The following CHFR variants were observed in gnomAD, a reference collection of about 807,000 sequenced individuals.
CHFR encodes the protein E3 ubiquitin-protein ligase CHFR.
CHFR carries 57 observed loss-of-function variants against 87.6 expected under a neutral mutation model. The ratio of observed to expected loss-of-function variants is 0.65; its 90% confidence interval spans 0.53 to 0.81. The LOEUF (loss-of-function observed/expected upper bound fraction) is 0.81. Ranked by LOEUF, CHFR falls within the 30% of genes least tolerant of loss-of-function variation. The probability of loss-of-function intolerance (pLI) is 0.00; values close to 1 mark genes in which losing one functional copy is unlikely to be tolerated. For synonymous variants in CHFR, 381 were observed against 359.2 expected (o/e 1.06, Z -0.69); for missense variants, 797 against 865.8 (o/e 0.92, Z 1.00).
chr12:132,860,650 T>A (rs1388096104), intron 7 of CHFR, among the ~76,000 whole-genome samples: 1 of 152,220 alleles, frequency 6.6e-6, no homozygotes, highest in Admixed American at 6.5e-5. Context: ...TAATCTTAAC[T>A]TTGGCTTTCA....
chr12:132,869,760 G>A lies in CHFR; in HGVS notation c.442C>T (p.Arg148Trp), dbSNP rs746187833. 6.5e-5 allele frequency: 101 copies of A among 1,551,284 alleles called. No homozygotes were observed. Among genetic ancestry groups the A allele is most frequent in the Non-Finnish European group, 7.6e-5 (87 of 1,146,960 alleles). The change falls in exon 6 of 18, where the codon CGG (arginine) becomes TGG (tryptophan). Residue 148 changes from arginine (R) to tryptophan (W), a missense_variant. This residue lies in a region of CHFR where 597 missense variants were observed against 601.2 expected (regional missense o/e 0.99). Coordinates refer to ENST00000450056, the MANE Select transcript of CHFR (RefSeq NM_001161346.2). Reference sequence around the variant, plus strand: ...GTGGCGGGCGACGACGGAGGGACCCGGGGATCGGCCCCTCGCCCTGCACCT... The same window carrying A: ...GTGGCGGGCGACGACGGAGGGACCCAGGGATCGGCCCCTCGCCCTGCACCT... ...GAGAGRGADPRVPPSSPATQV... is the reference protein window; with the variant it reads ...GAGAGRGADPWVPPSSPATQV...
chr12:132,837,840 C>CGTGGA lies in CHFR; in HGVS notation c.*3709_*3713dup, dbSNP rs1011644087. Reference sequence around the variant, plus strand: ...AGCGTGCATGCCAAAACGGAGCCCACGTGGAGGCAGAGGGCGGGCACGGCC... The same window carrying CGTGGA: ...AGCGTGCATGCCAAAACGGAGCCCACGTGGAGTGGAGGCAGAGGGCGGGCACGGCC... On this transcript the variant is annotated 3_prime_UTR_variant, in exon 18 of 18. Coordinates refer to ENST00000450056, the MANE Select transcript of CHFR (RefSeq NM_001161346.2). The CGTGGA allele has an allele frequency of 2.0e-5, 3 of 152,310 alleles. No individual in the cohort carries two copies. The highest frequency in any genetic ancestry group is 4.8e-5 in the African/African-American group (2 of 41,462). 9.4% of individuals were successfully genotyped at this position (152,310 alleles called of 1,614,324 possible). A position where few individuals can be genotyped will look rare whatever the true frequency, so the allele number is the denominator to read the frequency against.
chr12:132,870,992 A>C (rs1951475347), intron 4 of CHFR, among the ~76,000 whole-genome samples: 1 of 152,270 alleles, frequency 6.6e-6, no homozygotes, highest in South Asian at 2.1e-4. Context: ...AAAAAATGGC[A>C]TCAGGAGGCA....
intron 2 of CHFR, among the ~76,000 whole-genome samples, chr12:132,886,988 CTT>C (rs941099149): frequency 1.3e-5 from 2 of 152,234 alleles, no homozygotes; most frequent in South Asian, 2.1e-4. Flanking sequence ...ACACAACTAA[CTT>C]ATACAGTTGT....
chr12:132,873,203 G>A (rs760738606), intron 3 of CHFR, among the ~76,000 whole-genome samples: 2 of 152,208 alleles, frequency 1.3e-5, no homozygotes, highest in Admixed American at 1.3e-4. Flanking sequence ...TGACCACCAC[G>A]GTTTGCTGAG....
chr12:132,878,445 G>T (rs1318055762), intron 2 of CHFR, among the ~76,000 whole-genome samples: 1 of 151,238 alleles, frequency 6.6e-6, no homozygotes, highest in African/African-American at 2.4e-5. Flanking sequence ...CTCCAGCCTT[G>T]GCGACAGAGC....
chr12:132,861,804 A>C, intron 6 of CHFR, 170 bp from the exon 7 acceptor site: 1 of 603,464 alleles, frequency 1.7e-6, no homozygotes, highest in East Asian at 2.8e-5. Flanking sequence ...TCACATCTTA[A>C]CTCTATTTGT....
At chr12:132,856,675 G>A (rs371281524) in intron 9 of CHFR, 45 bp from the exon 10 acceptor site, 33 of 1,598,596 alleles carry the variant, frequency 2.1e-5, no homozygotes, top group Non-Finnish European at 2.6e-5. Flanking sequence ...AGTGAGACAT[G>A]GCAGGCAGAC....
rs754144763 is a variant in CHFR, at chr12:132,857,531, C to T, written c.940G>A (p.Ala314Thr). 3.1e-6 allele frequency: 5 copies of T among 1,614,142 alleles called. No individual in the cohort carries two copies. Among genetic ancestry groups the T allele is most frequent in the Non-Finnish European group, 2.5e-6 (3 of 1,180,018 alleles). The change falls in exon 9 of 18, where the codon GCG becomes ACG. Residue 314 changes from alanine (A) to threonine (T), a missense_variant. By Grantham distance (58) the Ala-to-Thr change is moderately conservative. Transcript: ENST00000450056. ...TCCATCCAGCCCGAGTAGCAAGCCG[C>T]GCAGAACGTGTGCATGCAGGGCTGC... ...SLQPCMHTFCAACYSGWMERS... is the reference protein window; with the variant it reads ...SLQPCMHTFCTACYSGWMERS...
intron 15 of CHFR, among the ~76,000 whole-genome samples, chr12:132,846,839 C>T (rs537081193): frequency 1.3e-5 from 2 of 152,272 alleles, no homozygotes; most frequent in African/African-American, 4.8e-5. Context: ...GAGATCATGC[C>T]ACTGCACTCC....
intron 8 of CHFR, among the ~76,000 whole-genome samples, chr12:132,858,725 TAAAAAAAAA>T (rs60137048): frequency 3.7e-5 from 1 of 26,800 alleles, no homozygotes; most frequent in Non-Finnish European, 5.7e-5. Flanking sequence ...AGACTCCATC[TAAAAAAAAA>T]AAAAAAAAAA....
Position 132,841,547 on chromosome 12 carries a change from T to C in CHFR, c.*7A>G. 6.2e-7 allele frequency: 1 copy of C among 1,612,924 alleles called. No individual in the cohort carries two copies. The highest frequency in any genetic ancestry group is 8.5e-7 in the Non-Finnish European group (1 of 1,178,852). Reference sequence around the variant, plus strand: ...AGTGCTGAAAGCTGCTCAGGGCCTCTGGATGCTTAGTTTTTGAACCTTGTC... The same window carrying C: ...AGTGCTGAAAGCTGCTCAGGGCCTCCGGATGCTTAGTTTTTGAACCTTGTC... On this transcript the variant is annotated 3_prime_UTR_variant, in exon 18 of 18. Coordinates refer to ENST00000450056, the MANE Select transcript of CHFR (RefSeq NM_001161346.2).
At position 132,872,483 on chromosome 12, in the gene CHFR, A is replaced by G. The variant is rs577843987; in HGVS notation, c.234-89T>C. ...TCTAGCACCATTAGCAAGCAGCTCG[A>G]TATGACCACTCTGGAAATACTCATA... On this transcript the variant is annotated intron_variant, in intron 3 of 17. Coordinates refer to ENST00000450056, the MANE Select transcript of CHFR (RefSeq NM_001161346.2). The G allele has an allele frequency of 6.0e-5, 48 of 799,206 alleles. 1 individual carries two copies. Among genetic ancestry groups the G allele is most frequent in the South Asian group, 4.8e-4 (33 of 68,308 alleles). 49.5% of individuals were successfully genotyped at this position (799,206 alleles called of 1,614,324 possible).
chr12:132,859,110 A>T lies in CHFR; in HGVS notation c.869T>A (p.Leu290Gln). The change falls in exon 8 of 18, where the codon CTG (leucine) becomes CAG (glutamine). Residue 290 changes from leucine to glutamine, a missense_variant. Around this residue, in one of 2 missense-constraint regions of CHFR, gnomAD observed 597 missense variants for 601.2 expected, o/e 0.99. Coordinates refer to ENST00000450056, the MANE Select transcript of CHFR (RefSeq NM_001161346.2). ...AGKPDKMEET[L>Q]TCIICQDLLH... ...CAGGTCCTGGCAGATGATGCATGTCAGCGTCTCCTCCATCTTGTCTGGCTT... is the reference window on the plus strand; with the variant it reads ...CAGGTCCTGGCAGATGATGCATGTCTGCGTCTCCTCCATCTTGTCTGGCTT... 6.2e-7 allele frequency: 1 copy of T among 1,614,090 alleles called. No homozygotes were observed. The highest frequency in any genetic ancestry group is 8.5e-7 in the Non-Finnish European group (1 of 1,179,976).
At chr12:132,883,591 G>A (rs368530178) in intron 2 of CHFR, among the ~76,000 whole-genome samples, 1 of 152,206 alleles carries the variant, frequency 6.6e-6, no homozygotes, top group East Asian at 1.9e-4. Flanking sequence ...GCCGGGCATG[G>A]TGGCGGGTGC....
chr12:132,856,621 C>A lies in CHFR; in HGVS notation c.1076G>T (p.Arg359Leu). The change falls in exon 10 of 18, where the codon CGC (arginine) becomes CTC (leucine). Residue 359 changes from arginine to leucine, a missense_variant. This residue lies in a region of CHFR where 597 missense variants were observed against 601.2 expected (regional missense o/e 0.99). Transcript: ENST00000450056. ...AYLIQHPDKSRSEEDVQSMDA... is the reference protein window; with the variant it reads ...AYLIQHPDKSLSEEDVQSMDA... ...CATACTTTGCACATCTTCTTCACTG[C>A]GACTCTTGTCTAGAATTGAAAGGAC... 2 of 1,613,980 alleles carry A rather than the reference C, an allele frequency of 1.2e-6. No individual in the cohort carries two copies. The highest frequency in any genetic ancestry group is 1.7e-6 in the Non-Finnish European group (2 of 1,179,958).
Position 132,835,814 on chromosome 12 carries a change from G to A in CHFR, c.*5740C>T, listed in dbSNP as rs549701323. ...AATGCATGCTCCCAGCACAGCGCAC[G>A]GCCCTCACAGTGCCAGGCTCCCAGC... On this transcript the variant is annotated 3_prime_UTR_variant, in exon 18 of 18. Coordinates refer to ENST00000450056, the MANE Select transcript of CHFR (RefSeq NM_001161346.2). 2.0e-4 allele frequency: 67 copies of A among 335,960 alleles called. No individual in the cohort carries two copies. The highest frequency in any genetic ancestry group is 1.3e-3 in the African/African-American group (56 of 44,080). The allele number at this position is 335,960 out of a possible 1,614,324, so 20.8% of individuals were successfully genotyped here. A position where few individuals can be genotyped will look rare whatever the true frequency, so the allele number is the denominator to read the frequency against.
chr12:132,870,707 G>A lies in CHFR; in HGVS notation c.403+17C>T. On this transcript the variant is annotated intron_variant, in intron 5 of 17. Transcript: ENST00000450056. Reference sequence around the variant, plus strand: ...GCTCCTAACATGCACCCACTTCTTTGCTACACTCTTACTTACCAAAGGATT... The same window carrying A: ...GCTCCTAACATGCACCCACTTCTTTACTACACTCTTACTTACCAAAGGATT... 6.3e-7 allele frequency: 1 copy of A among 1,576,398 alleles called. No homozygotes were observed. The highest frequency in any genetic ancestry group is 8.7e-7 in the Non-Finnish European group (1 of 1,146,302).
intron 14 of CHFR, chr12:132,847,870 G>C (rs1274722981): frequency 7.1e-7 from 1 of 1,407,270 alleles, no homozygotes; most frequent in Non-Finnish European, 9.2e-7. Flanking sequence ...GCACAAAAAC[G>C]AAATACCTAT....
Sources: allele counts gnomAD v4.1 joint callset (sites outside exome capture counted in the v4.1 genomes callset), GRCh38; gene constraint gnomAD v4.1.1; regional missense constraint gnomAD v4.1.1; transcripts MANE v1.5; gene names NCBI Gene and HGNC (gene_info 2026-07-23, HGNC 2026-07-21).